Variants in EXTL2 observed in about 807,000 individuals in gnomAD.
The protein encoded by EXTL2 is exostosin-like 2.
A neutral mutation model predicts 30.7 loss-of-function variants in EXTL2; 23 were observed. The observed-to-expected ratio is 0.75, with a 90% CI of 0.54 to 1.06. EXTL2 has a LOEUF of 1.06. EXTL2 is among the 50% of genes least tolerant of loss of function. EXTL2 has a pLI of 0.00. For synonymous variants in EXTL2, 123 were observed against 133.8 expected, an observed-to-expected ratio of 0.92 and a Z score of 0.56; for missense variants, 352 against 396.3, an observed-to-expected ratio of 0.89 and a Z score of 0.95.
chr1:100,880,201 G>A (rs1649446877), intron 2 of EXTL2, among the ~76,000 whole-genome samples: 1 of 152,074 alleles, frequency 6.6e-6, no homozygotes. Flanking sequence ...AGAAGGACAA[G>A]AGCATACTCT....
intron 1 of EXTL2, 40 bp from the exon 2 acceptor site, chr1:100,888,868 TCAGTCAG>T (rs1160956090): frequency 2.8e-6 from 2 of 716,962 alleles, no homozygotes; most frequent in Middle Eastern, 2.6e-4. Flanking sequence ...GATGTTTCTG[TCAGTCAG>T]CAGGAAATTT....
intron 2 of EXTL2, chr1:100,880,972 T>C (rs1649509298): frequency 3.1e-6 from 3 of 975,672 alleles, no homozygotes; most frequent in African/African-American, 1.8e-5. Context: ...CCTTCTCATG[T>C]ATTCTTTTAA....
chr1:100,878,341 T>G (rs1570457510), intron 2 of EXTL2: 1 of 458,020 alleles, frequency 2.2e-6, no homozygotes, highest in South Asian at 1.6e-5. Context: ...ATGGTAGGTG[T>G]ATTACTTACC....
intron 2 of EXTL2, among the ~76,000 whole-genome samples, chr1:100,879,995 A>G (rs1241302246): frequency 2.6e-5 from 4 of 152,198 alleles, no homozygotes; most frequent in African/African-American, 9.6e-5. Context: ...ATATCTACTC[A>G]ACATTTTGTT....
chr1:100,888,994 G>A (rs567030478), intron 1 of EXTL2, 166 bp from the exon 2 acceptor site: 507 of 394,284 alleles, frequency 1.3e-3, no homozygotes, highest in Non-Finnish European at 1.9e-3. Flanking sequence ...TTTAGGCAAT[G>A]AGGTAGATGA....
intron 2 of EXTL2, among the ~76,000 whole-genome samples, chr1:100,879,241 C>T (rs1006219886): frequency 6.6e-6 from 1 of 152,092 alleles, no homozygotes; most frequent in African/African-American, 2.4e-5. Flanking sequence ...TCTGCTATTT[C>T]TGCTTCTGAT....
At chr1:100,892,005 G>C (rs934120168) in intron 1 of EXTL2, among the ~76,000 whole-genome samples, 3 of 152,190 alleles carry the variant, frequency 2.0e-5, no homozygotes, top group Non-Finnish European at 4.4e-5. Flanking sequence ...TTTTGCAAAG[G>C]CAGTTTCATT....
At chr1:100,888,861 GT>G in intron 1 of EXTL2, 33 bp from the exon 2 acceptor site, 1 of 753,652 alleles carries the variant, frequency 1.3e-6, no homozygotes, top group Non-Finnish European at 2.0e-6. Flanking sequence ...TTTCTGTGAT[GT>G]TTCTGTCAGT....
intron 1 of EXTL2, among the ~76,000 whole-genome samples, chr1:100,894,388 T>C (rs1461510863): frequency 2.0e-5 from 3 of 152,212 alleles, no homozygotes; most frequent in Non-Finnish European, 4.4e-5. Context: ...GAATGAAATA[T>C]ACGCTAACAA....
At chr1:100,889,561 T>A (rs1284485133) in intron 1 of EXTL2, among the ~76,000 whole-genome samples, 1 of 152,250 alleles carries the variant, frequency 6.6e-6, no homozygotes, top group East Asian at 1.9e-4. Flanking sequence ...GCAAGTCCCT[T>A]CTGCTTAGGA....
At chr1:100,878,109 G>A (rs145056137) in intron 2 of EXTL2, among the ~76,000 whole-genome samples, 2 of 152,088 alleles carry the variant, frequency 1.3e-5, no homozygotes, top group East Asian at 1.9e-4. Context: ...TGCTTGTTAC[G>A]CAGTTGCAGA....
intron 2 of EXTL2, among the ~76,000 whole-genome samples, chr1:100,887,248 C>T (rs745567538): frequency 1.3e-5 from 2 of 152,184 alleles, no homozygotes; most frequent in Non-Finnish European, 2.9e-5. Context: ...AAAATCACTT[C>T]TGTAAGAGAA....
At chr1:100,879,828 T>C (rs1649425035) in intron 2 of EXTL2, among the ~76,000 whole-genome samples, 1 of 152,172 alleles carries the variant, frequency 6.6e-6, no homozygotes, top group Non-Finnish European at 1.5e-5. Context: ...ATATTTAAGC[T>C]CTTGATTTCA....
chr1:100,887,699 ATTTTCTTT>A (rs780706120), intron 2 of EXTL2, among the ~76,000 whole-genome samples: 3 of 151,692 alleles, frequency 2.0e-5, no homozygotes, highest in Non-Finnish European at 2.9e-5. Context: ...GCTACATTGT[ATTTTCTTT>A]TTTTCTTTTT....
Position 100,877,929 on chromosome 1 carries a change from C to A in EXTL2, c.6-26G>T, listed in dbSNP as rs201507408. On this transcript the variant is annotated intron_variant, in intron 2 of 4. Transcript: ENST00000370114. The surrounding 1 kb of genome is among the most constrained non-coding windows in gnomAD (Gnocchi z 4.1). ...CTGGAGTAGAAATGGAAACAACATA[C>A]AAATGTTAGCATTCTTACGAGTCCC... 2.9e-5 allele frequency: 45 copies of A among 1,536,272 alleles called. No individual in the cohort carries two copies. In the East Asian group the frequency reaches 9.0e-4, roughly 31 times the overall value.
At position 100,877,508 on chromosome 1, in the gene EXTL2, C is replaced by G. The variant is rs1649218810; in HGVS notation, c.401G>C (p.Arg134Pro). The G allele has an allele frequency of 6.2e-7, 1 of 1,608,278 alleles. No homozygotes were observed. ...KQQTANRMRN[R>P]LQVFPELETN... is the part of the protein sequence containing the mutation. ...TTCCAGTTCAGGAAAGACCTGGAGT[C>G]GATTTCTCATCCTGTTTGCTGTCTG... The change falls in exon 3 of 5, where the codon CGA becomes CCA. Residue 134 changes from arginine (R) to proline (P), a missense_variant. Transcript: ENST00000370114. This position sits in a 1 kb window ranked among gnomAD's most constrained non-coding sequence, Gnocchi z 4.1.
intron 4 of EXTL2, among the ~76,000 whole-genome samples, chr1:100,875,261 G>A (rs960138727): frequency 3.4e-5 from 4 of 116,524 alleles, no homozygotes; most frequent in Admixed American, 8.1e-5. Context: ...ACACACACAC[G>A]AGGCTGAGTT....
chr1:100,887,511 T>C (rs578054548), intron 2 of EXTL2, among the ~76,000 whole-genome samples: 6 of 152,316 alleles, frequency 3.9e-5, no homozygotes, highest in East Asian at 3.9e-4. Flanking sequence ...CCCTGCTTCA[T>C]GTTATAGATT....
chr1:100,873,880 T>C lies in EXTL2; in HGVS notation c.*62A>G. Reference sequence around the variant, plus strand: ...TCATGATGTTGCTTAAAAAAATACATAGCATGGAGAAGCTACTCAAATGCC... The same window carrying C: ...TCATGATGTTGCTTAAAAAAATACACAGCATGGAGAAGCTACTCAAATGCC... On this transcript the variant is annotated 3_prime_UTR_variant, in exon 5 of 5. Coordinates refer to ENST00000370114, the MANE Select transcript of EXTL2 (RefSeq NM_001033025.3). 3 of 1,481,872 alleles carry C rather than the reference T, an allele frequency of 2.0e-6. No homozygotes were observed. The highest frequency in any genetic ancestry group is 2.7e-6 in the Non-Finnish European group (3 of 1,107,976). 91.8% of individuals were successfully genotyped at this position (1,481,872 alleles called of 1,614,324 possible). A position where few individuals can be genotyped will look rare whatever the true frequency, so the allele number is the denominator to read the frequency against.
Sources: allele counts gnomAD v4.1 joint callset (sites outside exome capture counted in the v4.1 genomes callset), GRCh38; gene constraint gnomAD v4.1.1; non-coding constraint Gnocchi (gnomAD v3.1); transcripts MANE v1.5; gene names NCBI Gene and HGNC (gene_info 2026-07-23, HGNC 2026-07-21).